The following TIAM1 variants were observed in gnomAD, a reference collection of about 807,000 sequenced individuals.
TIAM1 encodes TIAM Rac1 associated GEF 1, also known as rho guanine nucleotide exchange factor TIAM1.
TIAM1 carries 65 observed loss-of-function variants against 163.5 expected under a neutral mutation model. The observed-to-expected ratio is 0.40, with a 90% confidence interval of 0.33 to 0.49. The LOEUF (loss-of-function observed/expected upper bound fraction) is 0.49, where lower values mean the gene tolerates loss of function less well. Among genes scored for constraint, TIAM1 ranks in the 20% least tolerant of loss-of-function variants. The pLI, the probability that TIAM1 is intolerant of heterozygous loss-of-function variation, is 0.77. For synonymous variants in TIAM1, 833 were observed against 810.1 expected (o/e 1.03, Z -0.48); for missense variants, 1,789 against 2,044.7 (o/e 0.87, Z 2.41).
At chr21:31,143,543 TAGAA>T (rs1232748795) in intron 20 of TIAM1, among the ~76,000 whole-genome samples, 1 of 151,692 alleles carries the variant, frequency 6.6e-6, no homozygotes, top group Non-Finnish European at 1.5e-5. Flanking sequence ...TATTTTTTAT[TAGAA>T]AGCTTAAAAT....
chr21:31,428,022 G>A (rs1340888199), intron 2 of TIAM1, among the ~76,000 whole-genome samples: 1 of 152,182 alleles, frequency 6.6e-6, no homozygotes. Flanking sequence ...AGCACTTTGG[G>A]AGGCCGAAGC....
intron 2 of TIAM1, among the ~76,000 whole-genome samples, chr21:31,437,685 G>A (rs545267649): frequency 6.6e-6 from 1 of 151,998 alleles, no homozygotes; most frequent in South Asian, 2.1e-4. Context: ...CACAAGATCT[G>A]GTTGTTTGAA....
chr21:31,499,797 C>T (rs151093328), intron 1 of TIAM1, among the ~76,000 whole-genome samples: 2 of 151,698 alleles, frequency 1.3e-5, no homozygotes, highest in African/African-American at 4.8e-5. Context: ...TTGCAGTGAG[C>T]CAAGATCGAG....
intron 2 of TIAM1, among the ~76,000 whole-genome samples, chr21:31,298,767 T>TGTGTGTGG (rs777256501): frequency 7.9e-6 from 1 of 125,858 alleles, no homozygotes. Flanking sequence ...TGTGTGTGTG[T>TGTGTGTGG]GAGAAACAGA....
Position 31,395,836 on chromosome 21 carries a change from G to A in TIAM1, c.-368-56414C>T, listed in dbSNP as rs949958521. ...ATCTATCCTAATTAGGAAACAACATGTACATGCCTGAAACAGCAGGCCAGT... is the reference window on the plus strand; with the variant it reads ...ATCTATCCTAATTAGGAAACAACATATACATGCCTGAAACAGCAGGCCAGT... On this transcript the variant is annotated intron_variant, in intron 2 of 28. Transcript: ENST00000286827. The surrounding 1 kb of genome is among the most constrained non-coding windows in gnomAD (Gnocchi z 7.5). 4.6e-5 allele frequency among the ~76,000 whole-genome samples: 7 copies of A among 152,150 alleles called. No homozygotes were observed. Among genetic ancestry groups the A allele is most frequent in the Non-Finnish European group, 8.8e-5 (6 of 68,030 alleles).
intron 2 of TIAM1, among the ~76,000 whole-genome samples, chr21:31,357,776 A>G (rs1399717115): frequency 1.3e-5 from 2 of 152,170 alleles, no homozygotes; most frequent in African/African-American, 4.8e-5. Flanking sequence ...TATAAAGCCA[A>G]TGTTTCTCTC....
At chr21:31,533,090 G>C (rs755894868) in intron 1 of TIAM1, among the ~76,000 whole-genome samples, 6 of 152,182 alleles carry the variant, frequency 3.9e-5, no homozygotes, top group Admixed American at 6.5e-5. Flanking sequence ...GGAGGCTGAG[G>C]TGGGCAGGTC....
chr21:31,319,699 GA>G (rs1402001051), intron 2 of TIAM1, among the ~76,000 whole-genome samples: 1 of 147,786 alleles, frequency 6.8e-6, no homozygotes, highest in Non-Finnish European at 1.5e-5. Flanking sequence ...AGAATGGCAT[GA>G]ACCCGGGAGG....
chr21:31,541,216 G>C (rs1380371167), intron 1 of TIAM1, among the ~76,000 whole-genome samples: 2 of 152,182 alleles, frequency 1.3e-5, no homozygotes, highest in African/African-American at 4.8e-5. Context: ...CATCACTTTG[G>C]GAGGCTGAGG....
At chr21:31,220,881 T>C (rs984018631) in intron 8 of TIAM1, among the ~76,000 whole-genome samples, 2 of 152,126 alleles carry the variant, frequency 1.3e-5, no homozygotes, top group Admixed American at 6.6e-5. Context: ...ACAAGAACAA[T>C]GATAACCTTC....
Position 31,205,094 on chromosome 21 carries a change from C to T in TIAM1, c.2389-2082G>A, listed in dbSNP as rs550253495. ...ATAAAACAGGAACTTTTTAAGTGTG[C>T]TACTTACTGCTGGAGAATCATCAAG... On this transcript the variant is annotated intron_variant, in intron 11 of 27. Transcript: ENST00000541036. Among the ~76,000 whole-genome samples the T allele has an allele frequency of 2.0e-5, 3 of 152,316 alleles. No homozygotes were observed. In the South Asian group the frequency reaches 6.2e-4, roughly 32 times the overall value.
intron 15 of TIAM1, among the ~76,000 whole-genome samples, chr21:31,178,229 G>A (rs1412119288): frequency 6.6e-6 from 1 of 151,994 alleles, no homozygotes; most frequent in African/African-American, 2.4e-5. Flanking sequence ...CAGAGACCCA[G>A]GTGGGGAAGT....
At chr21:31,514,746 C>G (rs1175400697) in intron 1 of TIAM1, among the ~76,000 whole-genome samples, 1 of 152,172 alleles carries the variant, frequency 6.6e-6, no homozygotes, top group Non-Finnish European at 1.5e-5. Context: ...TCCAAACCTC[C>G]AGCGTTCTGA....
At chr21:31,454,463 T>A (rs1421073482) in intron 2 of TIAM1, among the ~76,000 whole-genome samples, 2 of 152,116 alleles carry the variant, frequency 1.3e-5, no homozygotes, top group Admixed American at 6.6e-5. Context: ...ATTCCTGAAG[T>A]CTTAACACGG....
intron 25 of TIAM1, 130 bp from the exon 26 acceptor site, chr21:31,127,282 T>G: frequency 1.3e-6 from 1 of 779,742 alleles, no homozygotes; most frequent in Non-Finnish European, 2.1e-6. Context: ...AAAGATATTT[T>G]CCTACTATTT....
At chr21:31,502,244 T>C (rs1602433011) in intron 1 of TIAM1, among the ~76,000 whole-genome samples, 1 of 152,090 alleles carries the variant, frequency 6.6e-6, no homozygotes, top group East Asian at 1.9e-4. Context: ...CCACAAACAC[T>C]GTCAGGAAGG....
At chr21:31,203,115 T>TTGC (rs1003739702) in intron 11 of TIAM1, 103 bp from the exon 12 acceptor site, 1 of 718,902 alleles carries the variant, frequency 1.4e-6, no homozygotes, top group African/African-American at 1.9e-5. Context: ...CCAATAGAGT[T>TTGC]TGTTGTTGTT....
At chr21:31,434,560 A>T (rs1055696520) in intron 2 of TIAM1, among the ~76,000 whole-genome samples, 4 of 152,214 alleles carry the variant, frequency 2.6e-5, no homozygotes, top group Admixed American at 2.6e-4. Flanking sequence ...AGCTGGAAAG[A>T]TCTCTTCTCA....
chr21:31,311,238 C>A (rs530871538), intron 2 of TIAM1, among the ~76,000 whole-genome samples: 6 of 152,134 alleles, frequency 3.9e-5, no homozygotes, highest in Admixed American at 3.9e-4. Flanking sequence ...AACAAAGACC[C>A]TCCAAAGGGG....
Sources: allele counts gnomAD v4.1 joint callset (sites outside exome capture counted in the v4.1 genomes callset), GRCh38; gene constraint gnomAD v4.1.1; non-coding constraint Gnocchi (gnomAD v3.1); transcripts MANE v1.5; gene names NCBI Gene and HGNC (gene_info 2026-07-23, HGNC 2026-07-21).